The following TRABD2B variants were observed in gnomAD, a reference collection of about 807,000 sequenced individuals.
TRABD2B encodes the protein metalloprotease TIKI2.
TRABD2B carries 14 observed loss-of-function variants against 40.1 expected under a neutral mutation model. The ratio of observed to expected loss-of-function variants is 0.35; its 90% CI spans 0.23 to 0.55. The LOEUF (loss-of-function observed/expected upper bound fraction) is 0.55. Among genes scored for constraint, TRABD2B ranks in the 20% least tolerant of loss-of-function variants. The pLI is 0.90. For synonymous variants in TRABD2B, 263 were observed against 277.0 expected, an observed-to-expected ratio of 0.95 and a Z score of 0.50; for missense variants, 541 against 648.6, an observed-to-expected ratio of 0.83 and a Z score of 1.80.
Position 47,997,039 on chromosome 1 carries a change from C to G in TRABD2B, c.-250G>C. On this transcript the variant is annotated 5_prime_UTR_variant, in exon 1 of 7. Transcript: ENST00000606738. ...CCCCCGGGCGCTCAACCTCGCTGGC[C>G]GAGCCCCCGGGTGCTGAGGGCGTGT... is the stretch of plus-strand genomic sequence containing the variant. 8 of 1,062,828 alleles carry G rather than the reference C, an allele frequency of 7.5e-6. No homozygotes were observed. Among genetic ancestry groups the G allele is most frequent in the Non-Finnish European group, 9.1e-6 (8 of 881,446 alleles). 65.8% of individuals were successfully genotyped at this position (1,062,828 alleles called of 1,614,324 possible). A position where few individuals can be genotyped will look rare whatever the true frequency, so the allele number is the denominator to read the frequency against.
intron 2 of TRABD2B, among the ~76,000 whole-genome samples, chr1:47,982,573 G>C (rs1347342899): frequency 1.3e-5 from 2 of 152,154 alleles, no homozygotes; most frequent in Non-Finnish European, 1.5e-5. Context: ...AAAGTACTTA[G>C]CCTCAGTGTC....
chr1:47,930,185 C>G lies in TRABD2B; in HGVS notation c.666+63849G>C, dbSNP rs193234766. On this transcript the variant is annotated intron_variant, in intron 2 of 6. Transcript: ENST00000606738. ...GCCATGGTGCGCCAAGGTTTAGGGTCCAATTTCCCAGATGCCTTTCAGTGT... is the reference window on the plus strand; with the variant it reads ...GCCATGGTGCGCCAAGGTTTAGGGTGCAATTTCCCAGATGCCTTTCAGTGT... 2.0e-5 allele frequency among the ~76,000 whole-genome samples: 3 copies of G among 152,304 alleles called. No individual in the cohort carries two copies. In the East Asian group the frequency reaches 5.8e-4, roughly 29 times the overall value.
intron 5 of TRABD2B, among the ~76,000 whole-genome samples, chr1:47,777,921 A>G (rs957183053): frequency 6.6e-6 from 1 of 152,182 alleles, no homozygotes; most frequent in Non-Finnish European, 1.5e-5. Flanking sequence ...CCTGGCAGGA[A>G]TAGCGGATGG....
chr1:47,931,696 C>T (rs1484521574), intron 2 of TRABD2B, among the ~76,000 whole-genome samples: 3 of 152,148 alleles, frequency 2.0e-5, no homozygotes, highest in Admixed American at 6.5e-5. Flanking sequence ...CTCATCACAC[C>T]AGCCCAGTTG....
At chr1:47,802,273 C>T (rs561033255) in intron 2 of TRABD2B, among the ~76,000 whole-genome samples, 10 of 152,334 alleles carry the variant, frequency 6.6e-5, no homozygotes, top group African/African-American at 2.4e-4. Flanking sequence ...GCCCAGATCT[C>T]GCCCTCTGGG....
At chr1:47,801,643 A>G (rs1644825365) in intron 2 of TRABD2B, 24 bp from the exon 3 acceptor site, 2 of 1,533,846 alleles carry the variant, frequency 1.3e-6, no homozygotes, top group Non-Finnish European at 8.7e-7. Flanking sequence ...AGAGAGAGGA[A>G]TGAGGGCTGT....
At chr1:47,983,333 C>T (rs965044802) in intron 2 of TRABD2B, among the ~76,000 whole-genome samples, 3 of 152,086 alleles carry the variant, frequency 2.0e-5, no homozygotes, top group Non-Finnish European at 2.9e-5. Flanking sequence ...TCTACCTGAG[C>T]GTGGAGGTTA....
rs1645898378 is a variant in TRABD2B at position 47,984,859 on chromosome 1, T to C, written c.666+9175A>G. On this transcript the variant is annotated intron_variant, in intron 2 of 6. Coordinates refer to ENST00000606738, the MANE Select transcript of TRABD2B (RefSeq NM_001194986.2). ...CCTCCCAACACCTGCACGGATGCTG[T>C]GTCCCCTACCAAGAAAGGAAGCACC... Among the ~76,000 whole-genome samples, 3 of 124,910 alleles carry C rather than the reference T, an allele frequency of 2.4e-5. No homozygotes were observed. In the South Asian group the frequency reaches 7.2e-4, roughly 30 times the overall value. The allele number at this position is 124,910 out of a possible 152,430, so 81.9% of individuals were successfully genotyped here.
rs1367614598 is a variant in TRABD2B at position 47,863,585 on chromosome 1, C to T, written c.667-61966G>A. On this transcript the variant is annotated intron_variant, in intron 2 of 6. Coordinates refer to ENST00000606738, the MANE Select transcript of TRABD2B (RefSeq NM_001194986.2). ...ACTCAACTATCAGAAGGGCAAAAAT[C>T]CAGAACACTGATAGTGCCCAGTGCT... 2.0e-5 allele frequency among the ~76,000 whole-genome samples: 3 copies of T among 151,776 alleles called. No homozygotes were observed. The East Asian group carries it at 5.8e-4, about 30-fold the overall frequency.
chr1:47,942,601 A>G (rs991856288), intron 2 of TRABD2B, among the ~76,000 whole-genome samples: 2 of 152,194 alleles, frequency 1.3e-5, no homozygotes, highest in Non-Finnish European at 2.9e-5. Context: ...AATCTCCCAG[A>G]TCCCGAGGCT....
At chr1:47,804,762 G>A (rs1644868722) in intron 2 of TRABD2B, among the ~76,000 whole-genome samples, 1 of 152,196 alleles carries the variant, frequency 6.6e-6, no homozygotes, top group East Asian at 1.9e-4. Flanking sequence ...AAGCTTCCCA[G>A]ATTGGAGCTG....
At chr1:47,862,311 A>G (rs1643985551) in intron 2 of TRABD2B, among the ~76,000 whole-genome samples, 1 of 152,184 alleles carries the variant, frequency 6.6e-6, no homozygotes, top group South Asian at 2.1e-4. Context: ...TTTTTCACAG[A>G]TGACATGATT....
intron 2 of TRABD2B, among the ~76,000 whole-genome samples, chr1:47,961,848 C>T (rs902686499): frequency 4.6e-5 from 7 of 152,150 alleles, no homozygotes; most frequent in Non-Finnish European, 8.8e-5. Context: ...TTTGACCCAC[C>T]CATCTCATTA....
In TRABD2B at chr1:47,926,634, T is replaced by C. The variant is rs571143380; in HGVS notation, c.666+67400A>G. The stretch of plus-strand genomic sequence containing the variant: ...ATCTGGCGGCAGGCCCTCTTCCTGT[T>C]GAGAAGGGCAGGCATTACTACCCAA... On this transcript the variant is annotated intron_variant, in intron 2 of 6. Transcript: ENST00000606738. Among the ~76,000 whole-genome samples, 193 of 152,228 alleles carry C rather than the reference T, an allele frequency of 1.3e-3. 3 individuals are homozygous for C. The highest frequency in any genetic ancestry group is 2.0e-3 in the Admixed American group (31 of 15,296).
intron 2 of TRABD2B, among the ~76,000 whole-genome samples, chr1:47,899,795 G>C (rs372354048): frequency 6.6e-6 from 1 of 152,098 alleles, no homozygotes; most frequent in Non-Finnish European, 1.5e-5. Flanking sequence ...CAGCCCCCAG[G>C]TCCCATGTTA....
intron 2 of TRABD2B, among the ~76,000 whole-genome samples, chr1:47,970,078 C>T (rs1421277980): frequency 6.6e-6 from 1 of 152,152 alleles, no homozygotes; most frequent in African/African-American, 2.4e-5. Context: ...AAGAGCTCAG[C>T]AAACATTGGT....
chr1:47,956,922 G>A (rs1645432056), intron 2 of TRABD2B, among the ~76,000 whole-genome samples: 2 of 152,232 alleles, frequency 1.3e-5, no homozygotes, highest in Non-Finnish European at 2.9e-5. Context: ...GTGGGTCCCT[G>A]ACCCATGAGT....
chr1:47,782,843 A>C (rs1439077770), intron 4 of TRABD2B, among the ~76,000 whole-genome samples: 2 of 152,204 alleles, frequency 1.3e-5, no homozygotes, highest in Non-Finnish European at 2.9e-5. Flanking sequence ...AAAGTCTCCA[A>C]AGGGGCCCCA....
chr1:47,791,007 C>T (rs1039688926), intron 4 of TRABD2B, among the ~76,000 whole-genome samples: 1 of 152,188 alleles, frequency 6.6e-6, no homozygotes, highest in African/African-American at 2.4e-5. Flanking sequence ...TACTTTACAC[C>T]CAGGCCTCCT....
Sources: allele counts gnomAD v4.1 joint callset (sites outside exome capture counted in the v4.1 genomes callset), GRCh38; gene constraint gnomAD v4.1.1; transcripts MANE v1.5; gene names NCBI Gene and HGNC (gene_info 2026-07-23, HGNC 2026-07-21).